PRELID2: variants seen among roughly 807,000 people sequenced by gnomAD.
PRELID2 encodes the protein PRELI domain-containing protein 2.
Under a neutral mutation model 28.4 loss-of-function variants are expected in PRELID2, and 25 were observed. The observed-to-expected ratio is 0.88, with a 90% CI of 0.64 to 1.23. The LOEUF (loss-of-function observed/expected upper bound fraction) is 1.23, where lower values mean the gene tolerates loss of function less well. PRELID2 is among the 50% of genes most tolerant of loss of function. The pLI, the probability that PRELID2 is intolerant of heterozygous loss-of-function variation, is 0.00. For missense variants in PRELID2, 201 were observed against 214.4 expected (o/e 0.94, Z 0.39); for synonymous variants, 76 against 71.6 (o/e 1.06, Z -0.31).
intron 5 of PRELID2, among the ~76,000 whole-genome samples, chr5:145,784,245 A>AAAAG (rs1260074522): frequency 6.6e-6 from 1 of 151,580 alleles, no homozygotes; most frequent in East Asian, 1.9e-4. Flanking sequence ...AAAAAAAAAA[A>AAAAG]AAAAGAAAAG....
intron 1 of PRELID2, among the ~76,000 whole-genome samples, chr5:145,500,928 G>T (rs1039740290): frequency 1.3e-5 from 2 of 152,138 alleles, no homozygotes; most frequent in African/African-American, 4.8e-5. Context: ...GGGTGACCAA[G>T]CATAGATCAT....
At chr5:145,694,284 C>T (rs1198123439) in intron 1 of PRELID2, among the ~76,000 whole-genome samples, 1 of 151,944 alleles carries the variant, frequency 6.6e-6, no homozygotes, top group Non-Finnish European at 1.5e-5. Flanking sequence ...AAGTATATGC[C>T]TCAAAATATT....
At chr5:145,610,965 T>C (rs1298229826) in intron 1 of PRELID2, among the ~76,000 whole-genome samples, 3 of 148,274 alleles carry the variant, frequency 2.0e-5, no homozygotes, top group South Asian at 2.1e-4. Context: ...TAAAGAAATA[T>C]ATTTCTTTAT....
In PRELID2 at chr5:145,611,624, G is replaced by T. The variant is rs148341086; in HGVS notation, n.71-138309C>A. On this transcript the variant is annotated intron_variant and non_coding_transcript_variant, in intron 1 of 2. Transcript: ENST00000510259. ...TCAAAACAGAAACATTGTATTATTG[G>T]ATTAAACAATACTTAATTAAATGAA... Among the ~76,000 whole-genome samples, 195 of 152,212 alleles carry T rather than the reference G, an allele frequency of 1.3e-3. 2 individuals are homozygous for T. The highest frequency in any genetic ancestry group is 4.6e-3 in the African/African-American group (191 of 41,538).
chr5:145,505,855 G>A (rs1156624865), intron 1 of PRELID2, among the ~76,000 whole-genome samples: 1 of 152,172 alleles, frequency 6.6e-6, no homozygotes, highest in Non-Finnish European at 1.5e-5. Context: ...CAATATGGAT[G>A]AAACTTGAGA....
At chr5:145,624,113 T>C (rs1372499716) in intron 1 of PRELID2, among the ~76,000 whole-genome samples, 1 of 152,310 alleles carries the variant, frequency 6.6e-6, no homozygotes, top group East Asian at 1.9e-4. Context: ...GACATCCAAA[T>C]GGAGGGCACA....
At chr5:145,623,147 C>T (rs1287306645) in intron 1 of PRELID2, among the ~76,000 whole-genome samples, 1 of 151,630 alleles carries the variant, frequency 6.6e-6, no homozygotes, top group Non-Finnish European at 1.5e-5. Flanking sequence ...AGATATAAGA[C>T]CTCATTTAAA....
At chr5:145,764,095 A>G (rs1757607631) in intron 6 of PRELID2, among the ~76,000 whole-genome samples, 1 of 152,316 alleles carries the variant, frequency 6.6e-6, no homozygotes, top group African/African-American at 2.4e-5. Flanking sequence ...TCCATCTCAA[A>G]CAAACAAAAA....
intron 1 of PRELID2, among the ~76,000 whole-genome samples, chr5:145,600,154 T>C (rs1303687250): frequency 2.6e-5 from 4 of 152,020 alleles, no homozygotes; most frequent in African/African-American, 9.7e-5. Flanking sequence ...GCTAACAAAG[T>C]TAACATTTTT....
chr5:145,819,433 A>G (rs761875886), intron 3 of PRELID2: 2 of 1,548,074 alleles, frequency 1.3e-6, no homozygotes, highest in African/African-American at 2.7e-5. Context: ...AGAGAAAACA[A>G]TTTGCTATCA....
At chr5:145,360,213 AG>A in the PRELID2 span, among the ~76,000 whole-genome samples, 3 of 152,198 alleles carry the variant, frequency 2.0e-5, no homozygotes, top group South Asian at 2.1e-4. Context: ...CTCACCCCCA[AG>A]GGTACTTTGG....
chr5:145,420,484 C>T, the PRELID2 span, among the ~76,000 whole-genome samples: 3 of 146,934 alleles, frequency 2.0e-5, no homozygotes, highest in African/African-American at 7.5e-5. Context: ...ATTTTATTCT[C>T]TTTGAAGCAA....
At chr5:145,314,425 T>C in the PRELID2 span, among the ~76,000 whole-genome samples, 2 of 152,200 alleles carry the variant, frequency 1.3e-5, no homozygotes, top group East Asian at 3.8e-4. Flanking sequence ...AAAGTCTGTT[T>C]CAATTGTACT....
chr5:145,824,981 T>C (rs984880331), intron 1 of PRELID2, among the ~76,000 whole-genome samples: 5 of 152,078 alleles, frequency 3.3e-5, no homozygotes, highest in African/African-American at 9.7e-5. Context: ...ATCCCAGCAC[T>C]TTGGGAGGCT....
Position 145,693,150 on chromosome 5 carries a change from C to CTTTT in PRELID2, n.70+71777_70+71780dup, listed in dbSNP as rs747936867. 1.0e-3 allele frequency among the ~76,000 whole-genome samples: 146 copies of CTTTT among 141,704 alleles called. 1 individual carries two copies. Among genetic ancestry groups the CTTTT allele is most frequent in the African/African-American group, 3.7e-3 (142 of 38,386 alleles). 93.0% of individuals were successfully genotyped at this position (141,704 alleles called of 152,430 possible). On this transcript the variant is annotated intron_variant and non_coding_transcript_variant, in intron 1 of 2. Transcript: ENST00000510259. ...CCTAGGGAAAAATAAATAAATAAAT[C>CTTTT]TTTTTTTTTTTTTTTGAGACAGGGT...
At chr5:145,440,535 T>C in the PRELID2 span, among the ~76,000 whole-genome samples, 1 of 152,138 alleles carries the variant, frequency 6.6e-6, no homozygotes, top group Admixed American at 6.6e-5. Context: ...CTGGCCAAAT[T>C]ATTAAGCACA....
chr5:145,784,522 T>C (rs1271694217), intron 5 of PRELID2, among the ~76,000 whole-genome samples: 2 of 152,106 alleles, frequency 1.3e-5, no homozygotes, highest in African/African-American at 2.4e-5. Flanking sequence ...GGGAGAAAAT[T>C]TGGCAATAAG....
chr5:145,528,214 T>C (rs1379184789), intron 1 of PRELID2, among the ~76,000 whole-genome samples: 2 of 152,130 alleles, frequency 1.3e-5, no homozygotes, highest in African/African-American at 2.4e-5. Flanking sequence ...AGTTTCAGTA[T>C]ACATCTGGAG....
chr5:145,379,328 G>A, the PRELID2 span, among the ~76,000 whole-genome samples: 7 of 152,184 alleles, frequency 4.6e-5, no homozygotes, highest in Non-Finnish European at 1.0e-4. Context: ...GTCCTAGTAG[G>A]TGCTGGACTG....
Sources: gnomAD v4.1 joint callset for allele counts (sites outside exome capture counted in the v4.1 genomes callset) on GRCh38, gnomAD v4.1.1 for gene constraint, MANE v1.5 for transcripts, NCBI Gene and HGNC (gene_info 2026-07-23, HGNC 2026-07-21) for gene names.